Variants in SDK1 observed in about 807,000 individuals in gnomAD.
SDK1 encodes protein sidekick-1.
SDK1 carries 157 observed loss-of-function variants against 245.5 expected under a neutral mutation model. That is an observed-to-expected ratio of 0.64 (90% CI 0.56 to 0.73). The LOEUF (loss-of-function observed/expected upper bound fraction) is 0.73, where lower values mean the gene tolerates loss of function less well. SDK1 is among the 30% of genes least tolerant of loss of function. SDK1 has a pLI of 0.00. For missense variants in SDK1, 3,583 were observed against 3,002.3 expected (o/e 1.19, Z -4.52); for synonymous variants, 1,647 against 1,278.5 (o/e 1.29, Z -6.15).
At chr7:3,500,372 C>G (rs1215365305) in intron 1 of SDK1, among the ~76,000 whole-genome samples, 1 of 151,952 alleles carries the variant, frequency 6.6e-6, no homozygotes, top group East Asian at 1.9e-4. Flanking sequence ...CTTGTAAATT[C>G]AAAAATGTAG....
intron 35 of SDK1, among the ~76,000 whole-genome samples, chr7:4,204,655 G>T (rs111637973): frequency 1.3e-4 from 20 of 152,140 alleles, no homozygotes; most frequent in African/African-American, 4.6e-4. Context: ...TCGATGGTCC[G>T]TAAAGACACT....
rs568532701 is a variant in SDK1, at chr7:3,691,660, G to C, written c.713+49555G>C. On this transcript the variant is annotated intron_variant, in intron 4 of 44. Transcript: ENST00000404826. ...ACTGATATTATTGATTTTTCCTCTT[G>C]TGACCTTGGTTGCACAGCACCAACA... 2.0e-4 allele frequency among the ~76,000 whole-genome samples: 31 copies of C among 152,242 alleles called. 1 individual carries two copies. The highest frequency in any genetic ancestry group is 7.5e-4 in the African/African-American group (31 of 41,538).
At chr7:3,684,528 AAG>A (rs985368657) in intron 4 of SDK1, among the ~76,000 whole-genome samples, 14 of 152,228 alleles carry the variant, frequency 9.2e-5, no homozygotes, top group Admixed American at 7.9e-4. Context: ...GCCCACTAAA[AAG>A]AGATGCATAG....
intron 5 of SDK1, among the ~76,000 whole-genome samples, chr7:3,835,336 C>T (rs1205102345): frequency 6.6e-6 from 1 of 152,144 alleles, no homozygotes; most frequent in Non-Finnish European, 1.5e-5. Flanking sequence ...TGGTTGCGGG[C>T]GTCCCTCTTT....
At chr7:3,842,821 G>C (rs1352716456) in intron 5 of SDK1, among the ~76,000 whole-genome samples, 1 of 152,124 alleles carries the variant, frequency 6.6e-6, no homozygotes, top group Admixed American at 6.5e-5. Flanking sequence ...AGAGCTATCT[G>C]AATCTGTAGA....
intron 1 of SDK1, among the ~76,000 whole-genome samples, chr7:3,520,775 T>C (rs1782912752): frequency 6.6e-6 from 1 of 152,230 alleles, no homozygotes; most frequent in Admixed American, 6.5e-5. Flanking sequence ...GCTGCTGGCA[T>C]AGCATGTCTG....
chr7:3,987,211 C>T lies in SDK1; in HGVS notation c.2020C>T (p.Leu674Phe), dbSNP rs749523361. 2 of 1,614,140 alleles carry T rather than the reference C, an allele frequency of 1.2e-6. No individual in the cohort carries two copies. The highest frequency in any genetic ancestry group is 1.7e-6 in the Non-Finnish European group (2 of 1,180,012). The part of the protein sequence containing the change: ...VIELPHSPQN[L>F]LVSPNSSHSH... ...TGAACTGCCTCATTCACCTCAGAAC[C>T]TCCTGGTCAGCCCTAATTCTTCCCA... Residue 674 changes from leucine to phenylalanine, a missense_variant, in exon 14 of 45, where the codon CTC becomes TTC. Physicochemically the swap from Leu to Phe is conservative, Grantham distance 22. Transcript: ENST00000404826.
intron 4 of SDK1, among the ~76,000 whole-genome samples, chr7:3,676,732 A>T (rs1362854650): frequency 6.6e-6 from 1 of 152,250 alleles, no homozygotes; most frequent in Non-Finnish European, 1.5e-5. Context: ...ATTCTTCTGC[A>T]TATGGATATC....
chr7:4,191,840 G>A (rs915462086), intron 35 of SDK1, among the ~76,000 whole-genome samples: 4 of 152,202 alleles, frequency 2.6e-5, no homozygotes, highest in Admixed American at 6.5e-5. Flanking sequence ...AGGTGTGGCC[G>A]GGCAGACCAC....
At chr7:3,356,509 T>G (rs935914496) in intron 1 of SDK1, among the ~76,000 whole-genome samples, 4 of 152,166 alleles carry the variant, frequency 2.6e-5, no homozygotes, top group Non-Finnish European at 5.9e-5. Context: ...TAAGACCTCC[T>G]CCTTTATTTT....
At chr7:3,667,791 T>A (rs1783579663) in intron 4 of SDK1, among the ~76,000 whole-genome samples, 1 of 152,250 alleles carries the variant, frequency 6.6e-6, no homozygotes, top group Non-Finnish European at 1.5e-5. Flanking sequence ...TTCTTCTTTA[T>A]TCATAAGTAG....
chr7:3,645,853 AT>A (rs201002974), intron 4 of SDK1, among the ~76,000 whole-genome samples: 7 of 148,490 alleles, frequency 4.7e-5, no homozygotes, highest in Non-Finnish European at 7.5e-5. Context: ...TTCTGCACCT[AT>A]TTTTTTTTTA....
At chr7:3,347,636 T>A (rs1780544444) in intron 1 of SDK1, among the ~76,000 whole-genome samples, 1 of 152,200 alleles carries the variant, frequency 6.6e-6, no homozygotes, top group Non-Finnish European at 1.5e-5. Flanking sequence ...GCATGGTTTT[T>A]AATTTTGTTC....
chr7:3,741,393 C>T (rs1369845019), intron 4 of SDK1, among the ~76,000 whole-genome samples: 1 of 152,206 alleles, frequency 6.6e-6, no homozygotes, highest in African/African-American at 2.4e-5. Flanking sequence ...CTGCAGTGGT[C>T]TCCTTGTGTG....
intron 1 of SDK1, among the ~76,000 whole-genome samples, chr7:3,372,502 C>T (rs1300324780): frequency 6.6e-6 from 1 of 152,186 alleles, no homozygotes; most frequent in Non-Finnish European, 1.5e-5. Flanking sequence ...TTGCCTCTTA[C>T]CCTGTGTAAC....
At chr7:3,398,343 A>G (rs575583929) in intron 1 of SDK1, among the ~76,000 whole-genome samples, 2 of 152,158 alleles carry the variant, frequency 1.3e-5, no homozygotes, top group Admixed American at 6.5e-5. Context: ...ACATTCTATA[A>G]TCTTGTGATA....
intron 24 of SDK1, among the ~76,000 whole-genome samples, chr7:4,113,784 C>G (rs893729933): frequency 1.3e-5 from 2 of 152,212 alleles, no homozygotes; most frequent in African/African-American, 2.4e-5. Context: ...GATATTTAAT[C>G]AGAACATTTG....
At chr7:3,537,439 A>G (rs920239049) in intron 1 of SDK1, among the ~76,000 whole-genome samples, 13 of 152,104 alleles carry the variant, frequency 8.5e-5, no homozygotes, top group Admixed American at 5.9e-4. Flanking sequence ...AAGGCCCCCG[A>G]CTGGAAATCC....
chr7:3,910,558 C>T (rs559043786), intron 5 of SDK1, among the ~76,000 whole-genome samples: 1 of 152,250 alleles, frequency 6.6e-6, no homozygotes, highest in African/African-American at 2.4e-5. Context: ...TCGGCGCTAC[C>T]ATCCTAGTCT....
Sources: allele counts gnomAD v4.1 joint callset (sites outside exome capture counted in the v4.1 genomes callset), GRCh38; gene constraint gnomAD v4.1.1; transcripts MANE v1.5; gene names NCBI Gene and HGNC (gene_info 2026-07-23, HGNC 2026-07-21).